The following KAT6A variants were observed in gnomAD, a reference collection of about 807,000 sequenced individuals.
KAT6A encodes histone acetyltransferase KAT6A.
In KAT6A, 9 loss-of-function variants were observed where a neutral mutation model predicts 198.4. The ratio of observed to expected loss-of-function variants is 0.05; its 90% CI spans 0.03 to 0.08. The LOEUF is 0.08. KAT6A is among the 10% of genes least tolerant of loss of function. KAT6A has a pLI of 1.00. For synonymous variants in KAT6A, 890 were observed against 883.0 expected (o/e 1.01, Z -0.14); for missense variants, 2,077 against 2,509.9 (o/e 0.83, Z 3.69).
chr8:41,998,558 T>G (rs1445352799), intron 2 of KAT6A, among the ~76,000 whole-genome samples: 1 of 152,140 alleles, frequency 6.6e-6, no homozygotes, highest in African/African-American at 2.4e-5. Context: ...ATATCCTAGG[T>G]GAGCAGATAT....
intron 2 of KAT6A, among the ~76,000 whole-genome samples, chr8:42,031,040 G>GC (rs1270658143): frequency 1.4e-4 from 19 of 131,216 alleles, no homozygotes; most frequent in Admixed American, 1.4e-3. Context: ...AAAAAAAAAG[G>GC]GGGGGGGGAC....
chr8:41,945,065 T>G (rs138178313), intron 12 of KAT6A, among the ~76,000 whole-genome samples: 488 of 152,284 alleles, frequency 3.2e-3, no homozygotes, highest in African/African-American at 0.012. Context: ...GGTAAAATAT[T>G]CCCTCAAATT....
At chr8:42,039,449 T>C (rs1827531765) in intron 2 of KAT6A, among the ~76,000 whole-genome samples, 2 of 152,216 alleles carry the variant, frequency 1.3e-5, no homozygotes, top group Non-Finnish European at 2.9e-5. Context: ...TCCAAAACTT[T>C]AAATGCAAAG....
intron 8 of KAT6A, among the ~76,000 whole-genome samples, chr8:41,968,552 TG>T (rs1823624117): frequency 6.6e-6 from 1 of 152,224 alleles, no homozygotes; most frequent in African/African-American, 2.4e-5. Flanking sequence ...TCAACCACTG[TG>T]GAAGTCAGTG....
At chr8:41,955,437 A>C in intron 8 of KAT6A, 26 bp from the exon 9 acceptor site, 1 of 1,427,354 alleles carries the variant, frequency 7.0e-7, no homozygotes, top group Non-Finnish European at 9.8e-7. Flanking sequence ...ATACATTCAA[A>C]AGTTAGCTAA....
chr8:41,967,309 A>ATTTATTTTTG (rs1823557383), intron 8 of KAT6A, among the ~76,000 whole-genome samples: 1 of 48,876 alleles, frequency 2.0e-5, no homozygotes, highest in African/African-American at 1.3e-4. Flanking sequence ...ATTTATTTTT[A>ATTTATTTTTG]TTATACTTTA....
intron 2 of KAT6A, among the ~76,000 whole-genome samples, chr8:41,992,726 T>G (rs1825006245): frequency 6.6e-6 from 1 of 152,158 alleles, no homozygotes; most frequent in Non-Finnish European, 1.5e-5. Flanking sequence ...AGAAGCCTAC[T>G]TTAGGACAGG....
intron 3 of KAT6A, among the ~76,000 whole-genome samples, chr8:41,983,613 C>T (rs778473331): frequency 5.3e-5 from 8 of 152,126 alleles, no homozygotes; most frequent in Non-Finnish European, 1.0e-4. Context: ...TTTACAGATT[C>T]TTTACTTCTT....
chr8:41,943,336 C>A (rs1244655212), intron 13 of KAT6A, among the ~76,000 whole-genome samples: 1 of 152,174 alleles, frequency 6.6e-6, no homozygotes, highest in African/African-American at 2.4e-5. Flanking sequence ...TTTTTCTGAC[C>A]ACTTTAGTGA....
chr8:42,017,738 C>G (rs1401509901), intron 2 of KAT6A, among the ~76,000 whole-genome samples: 1 of 152,094 alleles, frequency 6.6e-6, no homozygotes, highest in Non-Finnish European at 1.5e-5. Context: ...GAAACCCACT[C>G]CACTTGCACT....
At chr8:42,041,162 T>G (rs1256962724) in intron 2 of KAT6A, among the ~76,000 whole-genome samples, 1 of 131,412 alleles carries the variant, frequency 7.6e-6, no homozygotes, top group African/African-American at 3.0e-5. Context: ...GCCACTGCAC[T>G]CCAGTCTGGG....
intron 2 of KAT6A, among the ~76,000 whole-genome samples, chr8:42,023,901 C>T (rs549603038): frequency 5.3e-5 from 8 of 152,152 alleles, no homozygotes; most frequent in African/African-American, 1.9e-4. Flanking sequence ...TAGCCTAAGC[C>T]TACACAGGGT....
At chr8:42,003,306 C>A (rs2128608) in intron 2 of KAT6A, among the ~76,000 whole-genome samples, 14,295 of 152,122 alleles carry the variant, frequency 0.094, 878 homozygotes, top group East Asian at 0.23. Flanking sequence ...GGCAAGACAT[C>A]TTTTTGAGAG....
intron 2 of KAT6A, among the ~76,000 whole-genome samples, chr8:42,022,391 A>T (rs80347469): frequency 2.8e-5 from 4 of 145,178 alleles, no homozygotes; most frequent in Non-Finnish European, 6.1e-5. Flanking sequence ...AAAAAAAAAA[A>T]TTTGATTACC....
intron 2 of KAT6A, among the ~76,000 whole-genome samples, chr8:42,028,430 A>G (rs959372308): frequency 7.2e-5 from 11 of 152,164 alleles, no homozygotes; most frequent in African/African-American, 2.2e-4. Context: ...GGGTGCGTAT[A>G]TATTTACCAT....
At position 41,973,950 on chromosome 8, in the gene KAT6A, A is replaced by G. The variant is rs1162638175; in HGVS notation, c.1482+754T>C. 5.9e-5 allele frequency among the ~76,000 whole-genome samples: 9 copies of G among 152,308 alleles called. No individual in the cohort carries two copies. In the South Asian group the frequency reaches 8.3e-4, roughly 14 times the overall value. On this transcript the variant is annotated intron_variant, in intron 8 of 16. Transcript: ENST00000265713. ...TATAATTGAACTTTTCATATTAATG[A>G]CATTACTTATTCACAAATCTCTCCT...
chr8:41,996,621 G>A (rs1160449551), intron 2 of KAT6A, among the ~76,000 whole-genome samples: 1 of 152,082 alleles, frequency 6.6e-6, no homozygotes, highest in Non-Finnish European at 1.5e-5. Context: ...CAGGGGAGTG[G>A]GCTAGTTATC....
At chr8:41,988,560 G>A (rs988123816) in intron 2 of KAT6A, among the ~76,000 whole-genome samples, 1 of 152,204 alleles carries the variant, frequency 6.6e-6, no homozygotes, top group South Asian at 2.1e-4. Context: ...TCCAAAGATA[G>A]GTAAAACATT....
At chr8:41,986,987 A>G (rs557460999) in intron 3 of KAT6A, among the ~76,000 whole-genome samples, 21 of 152,260 alleles carry the variant, frequency 1.4e-4, no homozygotes, top group African/African-American at 5.1e-4. Flanking sequence ...GCAGTGAACC[A>G]AGATCACGCC....
Sources: gnomAD v4.1 joint callset for allele counts (sites outside exome capture counted in the v4.1 genomes callset) on GRCh38, gnomAD v4.1.1 for gene constraint, MANE v1.5 for transcripts, NCBI Gene and HGNC (gene_info 2026-07-23, HGNC 2026-07-21) for gene names.